The following GNS variants were observed in gnomAD, a reference collection of about 807,000 sequenced individuals.
GNS encodes glucosamine (N-acetyl)-6-sulfatase.
A neutral mutation model predicts 69.7 loss-of-function variants in GNS; 40 were observed. That is an observed-to-expected ratio of 0.57 (90% CI 0.45 to 0.75). The LOEUF is 0.75. GNS is among the 30% of genes least tolerant of loss of function. The probability of loss-of-function intolerance (pLI) is 0.00; values close to 1 mark genes in which losing one functional copy is unlikely to be tolerated. For synonymous variants in GNS, 243 were observed against 251.6 expected, an observed-to-expected ratio of 0.97 and a Z score of 0.32; for missense variants, 565 against 685.5, an observed-to-expected ratio of 0.82 and a Z score of 1.96.
chr12:64,759,108 G>C lies in GNS; in HGVS notation c.169C>G (p.Gln57Glu), dbSNP rs1305918462. ...PNVVLLLTDD[Q>E]DEVLGGMTPL... ...ACCATGCCGCCGAGCACTTCGTCCT[G>C]GTCGTCCGTGAGGAGCAGCACCACG... Residue 57 changes from glutamine (Q) to glutamate (E), a missense_variant, in exon 1 of 14, where the codon CAG becomes GAG. Coordinates refer to ENST00000258145, the MANE Select transcript of GNS (RefSeq NM_002076.4). The C allele has an allele frequency of 6.4e-7, 1 of 1,563,940 alleles. No homozygotes were observed. Among genetic ancestry groups the C allele is most frequent in the South Asian group, 1.2e-5 (1 of 85,146 alleles).
In GNS at chr12:64,759,034, C is replaced by CG. The variant is rs1054503468; in HGVS notation, c.192+50dup. 7.1e-6 allele frequency: 10 copies of CG among 1,409,282 alleles called. No individual in the cohort carries two copies. The African/African-American group carries it at 1.4e-4, about 20-fold the overall frequency. 87.3% of individuals were successfully genotyped at this position (1,409,282 alleles called of 1,614,324 possible). On this transcript the variant is annotated intron_variant, in intron 1 of 13. Transcript: ENST00000258145. Reference sequence around the variant, plus strand: ...GGGACCGGGAAAGAGAGCAACAAACCGGGTAGTCAGCCCAAGAGATAGAGG... The same window carrying CG: ...GGGACCGGGAAAGAGAGCAACAAACCGGGGTAGTCAGCCCAAGAGATAGAGG...
Position 64,752,719 on chromosome 12 carries a change from C to A in GNS, c.231G>T (p.Met77Ile). 2 of 1,533,182 alleles carry A rather than the reference C, an allele frequency of 1.3e-6. No homozygotes were observed. Among genetic ancestry groups the A allele is most frequent in the Non-Finnish European group, 1.8e-6 (2 of 1,107,852 alleles). The allele number at this position is 1,533,182 out of a possible 1,614,324, so 95.0% of individuals were successfully genotyped here. Residue 77 changes from methionine to isoleucine, a missense_variant, in exon 2 of 14, where the codon ATG (methionine) becomes ATT (isoleucine). Transcript: ENST00000258145. ...TTACAGCACTGGAAAAAGTCATCCC[C>A]ATCTCTCCGATGAGAGCTTTGGTTT... ...LKKTKALIGE[M>I]GMTFSSAYVP...
At chr12:64,734,181 AT>A (rs2136243233) in intron 9 of GNS, among the ~76,000 whole-genome samples, 1 of 152,334 alleles carries the variant, frequency 6.6e-6, no homozygotes. Context: ...AGCAATGTAA[AT>A]TCTGAGAATG....
chr12:64,746,149 G>A, intron 3 of GNS: 1 of 243,868 alleles, frequency 4.1e-6, no homozygotes. Flanking sequence ...CTGAATAGTA[G>A]CAACAGAGAC....
intron 9 of GNS, among the ~76,000 whole-genome samples, chr12:64,732,998 C>G (rs972758752): frequency 6.6e-6 from 1 of 151,660 alleles, no homozygotes; most frequent in Non-Finnish European, 1.5e-5. Context: ...CTTAGAAAAC[C>G]CTGGGGTAGA....
chr12:64,737,225 G>T, intron 8 of GNS, 118 bp from the exon 9 acceptor site: 1 of 704,416 alleles, frequency 1.4e-6, no homozygotes, highest in Non-Finnish European at 2.6e-6. Flanking sequence ...TGATTCTGGT[G>T]TTTTAATAGA....
chr12:64,752,065 T>C (rs1410459686), intron 2 of GNS, among the ~76,000 whole-genome samples: 8 of 151,214 alleles, frequency 5.3e-5, no homozygotes, highest in Admixed American at 2.0e-4. Context: ...ATTTTGGTAC[T>C]CCCTTTTATA....
Position 64,716,567 on chromosome 12 carries a change from T to G in GNS, c.*174A>C, listed in dbSNP as rs1868864343. The G allele has an allele frequency of 1.5e-6, 1 of 673,852 alleles. No homozygotes were observed. The highest frequency in any genetic ancestry group is 2.7e-6 in the Non-Finnish European group (1 of 367,670). The allele number at this position is 673,852 out of a possible 1,614,324, so 41.7% of individuals were successfully genotyped here. ...CTGACACATGGGCAGAGTTCACAGT[T>G]TAACACATTGCACGAGGAAGTCAGC... On this transcript the variant is annotated 3_prime_UTR_variant, in exon 14 of 14. Transcript: ENST00000258145.
chr12:64,737,150 A>G (rs578022380), intron 8 of GNS, 43 bp from the exon 9 acceptor site: 4 of 998,128 alleles, frequency 4.0e-6, no homozygotes, highest in Non-Finnish European at 6.5e-6. Context: ...CCAAGACAGG[A>G]GCCTTGCTCA....
chr12:64,743,267 A>G lies in GNS; in HGVS notation c.666T>C (p.Phe222=), dbSNP rs1277378225. The G allele has an allele frequency of 1.2e-6, 2 of 1,613,596 alleles. No individual in the cohort carries two copies. The highest frequency in any genetic ancestry group is 1.7e-5 in the Admixed American group (1 of 60,030). ...SLDFLDYKSN[F]EPFFMMIATP... The stretch of plus-strand genomic sequence containing the variant: ...TGGCGATCATCATGAAGAAGGGCTC[A>G]AAGTTGGACTTGTAGTCCAGAAAGT... Residue 222 remains phenylalanine, a synonymous_variant, in exon 6 of 14, where the codon TTT becomes TTC. Transcript: ENST00000258145.
At chr12:64,752,594 A>G (rs1870112928) in intron 2 of GNS, 104 bp downstream of exon 2, 1 of 707,952 alleles carries the variant, frequency 1.4e-6, no homozygotes, top group Non-Finnish European at 2.6e-6. Flanking sequence ...GGCATTTAAC[A>G]AGGAAAAAAC....
At chr12:64,734,599 ACTGCTACCTT>A (rs1869505355) in intron 9 of GNS, among the ~76,000 whole-genome samples, 1 of 152,228 alleles carries the variant, frequency 6.6e-6, no homozygotes, top group African/African-American at 2.4e-5. Flanking sequence ...GTTCAGTACA[ACTGCTACCTT>A]CTGTCTCTTG....
At chr12:64,719,108 C>T (rs1868946852) in intron 13 of GNS, among the ~76,000 whole-genome samples, 1 of 152,048 alleles carries the variant, frequency 6.6e-6, no homozygotes, top group Non-Finnish European at 1.5e-5. Flanking sequence ...TACTGGTGTC[C>T]ATGCCACTTT....
rs186734244 is a variant in GNS at position 64,748,301 on chromosome 12, A to C, written c.253-383T>G. On this transcript the variant is annotated intron_variant, in intron 2 of 13. Coordinates refer to ENST00000258145, the MANE Select transcript of GNS (RefSeq NM_002076.4). The stretch of plus-strand genomic sequence containing the variant: ...ACTGCAGCCTCGACCTCCTGGCGCA[A>C]GTGATCCTCCCACCTCAGCCTCCCT... Among the ~76,000 whole-genome samples, 4 of 151,976 alleles carry C rather than the reference A, an allele frequency of 2.6e-5. No individual in the cohort carries two copies. In the East Asian group the frequency reaches 7.7e-4, roughly 29 times the overall value.
At chr12:64,748,167 A>G (rs1277772794) in intron 2 of GNS, among the ~76,000 whole-genome samples, 1 of 152,032 alleles carries the variant, frequency 6.6e-6, no homozygotes, top group African/African-American at 2.4e-5. Context: ...CTGCAGGATA[A>G]CAGTAATTCT....
rs1592501957 is a variant in GNS, at chr12:64,739,511, C to A, written c.876-12G>T. The A allele has an allele frequency of 1.6e-6, 2 of 1,256,044 alleles. No individual in the cohort carries two copies. The highest frequency in any genetic ancestry group is 1.2e-5 in the South Asian group (1 of 84,102). 77.8% of individuals were successfully genotyped at this position (1,256,044 alleles called of 1,614,324 possible). The stretch of plus-strand genomic sequence containing the variant: ...GGAGAGTTTGCCACCTGGATGTGAA[C>A]AGAAGGTAGAAATGGGACTTCAGGG... On this transcript the variant is annotated splice_polypyrimidine_tract_variant and intron_variant, in intron 7 of 13. Coordinates refer to ENST00000258145, the MANE Select transcript of GNS (RefSeq NM_002076.4).
chr12:64,742,023 CTTATT>C (rs1192541522), intron 6 of GNS, among the ~76,000 whole-genome samples: 6 of 151,884 alleles, frequency 4.0e-5, no homozygotes, highest in Non-Finnish European at 5.9e-5. Context: ...CTCATCTCAT[CTTATT>C]TTATTTTATT....
intron 11 of GNS, 34 bp from the exon 12 acceptor site, chr12:64,721,739 G>A (rs770910569): frequency 4.7e-6 from 5 of 1,072,292 alleles, no homozygotes; most frequent in East Asian, 2.4e-5. Context: ...AATGAAGACA[G>A]TTCTTCCATA....
intron 12 of GNS, 100 bp downstream of exon 12, chr12:64,721,495 C>A: frequency 1.3e-6 from 1 of 765,712 alleles, no homozygotes; most frequent in Middle Eastern, 2.3e-4. Flanking sequence ...AACCTCTTCC[C>A]TAGGGAGCAG....
Sources: allele counts gnomAD v4.1 joint callset (sites outside exome capture counted in the v4.1 genomes callset), GRCh38; gene constraint gnomAD v4.1.1; transcripts MANE v1.5; gene names NCBI Gene and HGNC (gene_info 2026-07-23, HGNC 2026-07-21).